The following TANC2 variants were observed in gnomAD, a reference collection of about 807,000 sequenced individuals.
TANC2 encodes the protein tetratricopeptide repeat, ankyrin repeat and coiled-coil containing 2, also known as protein TANC2.
A neutral mutation model predicts 210.5 loss-of-function variants in TANC2; 26 were observed. That is an observed-to-expected ratio of 0.12 (90% confidence interval 0.09 to 0.17). The LOEUF (loss-of-function observed/expected upper bound fraction) is 0.17, where lower values mean the gene tolerates loss of function less well. Among genes scored for constraint, TANC2 ranks in the 10% least tolerant of loss-of-function variants. TANC2 has a pLI of 1.00. For missense variants in TANC2, 2,129 were observed against 2,608.9 expected, an observed-to-expected ratio of 0.82 and a Z score of 4.01; for synonymous variants, 931 against 967.1, an observed-to-expected ratio of 0.96 and a Z score of 0.69.
chr17:62,976,691 A>G (rs2032020377), intron 1 of TANC2, among the ~76,000 whole-genome samples: 1 of 152,180 alleles, frequency 6.6e-6, no homozygotes, highest in Admixed American at 6.5e-5. Flanking sequence ...CCGTGCTAAC[A>G]TTCTTAAATA....
chr17:63,094,445 A>G (rs1172177740), intron 3 of TANC2, among the ~76,000 whole-genome samples: 1 of 152,156 alleles, frequency 6.6e-6, no homozygotes, highest in Non-Finnish European at 1.5e-5. Flanking sequence ...TTTAAAAGTA[A>G]ACTTTTATTG....
In TANC2 at chr17:63,025,166, T is replaced by C. The variant is rs552345270; in HGVS notation, c.67+15540T>C. On this transcript the variant is annotated intron_variant, in intron 2 of 27. Transcript: ENST00000689528. ...AGTATTTCTCCATGGCTTTCCTCCTTATTAACTGTGTGTTAATACAGTTGA... is the reference window on the plus strand; with the variant it reads ...AGTATTTCTCCATGGCTTTCCTCCTCATTAACTGTGTGTTAATACAGTTGA... 7.1e-4 allele frequency among the ~76,000 whole-genome samples: 108 copies of C among 152,346 alleles called. 1 individual carries two copies. The highest frequency in any genetic ancestry group is 2.5e-3 in the African/African-American group (106 of 41,580).
intron 3 of TANC2, among the ~76,000 whole-genome samples, chr17:63,074,417 C>T (rs1301095678): frequency 1.3e-5 from 2 of 152,012 alleles, no homozygotes; most frequent in East Asian, 3.9e-4. Context: ...TTGGTAATTG[C>T]TATATTAGGA....
chr17:63,086,986 C>T (rs919701413), intron 3 of TANC2, among the ~76,000 whole-genome samples: 1 of 152,206 alleles, frequency 6.6e-6, no homozygotes, highest in Non-Finnish European at 1.5e-5. Flanking sequence ...CAGCCTGCAG[C>T]GGCAACTCAC....
intron 15 of TANC2, among the ~76,000 whole-genome samples, chr17:63,380,091 C>A (rs559215910): frequency 6.6e-6 from 1 of 152,302 alleles, no homozygotes; most frequent in African/African-American, 2.4e-5. Context: ...GATGTGTGCT[C>A]CATACATGAC....
chr17:63,078,555 TTC>T (rs2036652367), intron 3 of TANC2, among the ~76,000 whole-genome samples: 1 of 152,170 alleles, frequency 6.6e-6, no homozygotes, highest in Non-Finnish European at 1.5e-5. Context: ...TGTTATAAAT[TTC>T]TGTTTACTGC....
chr17:63,307,208 G>A (rs1325334496), intron 9 of TANC2, among the ~76,000 whole-genome samples: 1 of 152,144 alleles, frequency 6.6e-6, no homozygotes, highest in Non-Finnish European at 1.5e-5. Context: ...TTGCGTAGGG[G>A]AGTGATATGG....
chr17:63,130,666 AT>A (rs1436596572), intron 4 of TANC2, among the ~76,000 whole-genome samples: 6 of 152,288 alleles, frequency 3.9e-5, no homozygotes, highest in Non-Finnish European at 8.8e-5. Flanking sequence ...CCTAAACTTT[AT>A]TATAATTGAG....
chr17:63,125,360 A>G (rs913540130), intron 4 of TANC2, among the ~76,000 whole-genome samples: 8 of 152,176 alleles, frequency 5.3e-5, no homozygotes, highest in Non-Finnish European at 7.3e-5. Context: ...GCATGATCCT[A>G]TGTATCTCTC....
chr17:63,347,975 C>T (rs145521131), intron 12 of TANC2, among the ~76,000 whole-genome samples: 7 of 152,022 alleles, frequency 4.6e-5, no homozygotes, highest in African/African-American at 1.7e-4. Context: ...ACGATGTTGC[C>T]CAGGCTGGTC....
intron 7 of TANC2, among the ~76,000 whole-genome samples, chr17:63,223,776 C>T (rs184908988): frequency 2.6e-5 from 4 of 152,158 alleles, no homozygotes; most frequent in East Asian, 1.9e-4. Context: ...AGGTCATCTT[C>T]GTCACCCTCT....
intron 4 of TANC2, among the ~76,000 whole-genome samples, chr17:63,146,847 C>T (rs1567762231): frequency 1.3e-5 from 2 of 152,150 alleles, no homozygotes; most frequent in African/African-American, 4.8e-5. Context: ...TCTGATTGCT[C>T]TTATCCTCCC....
At chr17:63,075,537 AT>A (rs74826135) in intron 3 of TANC2, among the ~76,000 whole-genome samples, 10 of 148,254 alleles carry the variant, frequency 6.7e-5, no homozygotes, top group African/African-American at 2.2e-4. Context: ...AAATATATAT[AT>A]TTTTTTATAT....
chr17:63,033,722 T>G (rs985480998), intron 2 of TANC2, among the ~76,000 whole-genome samples: 1 of 152,034 alleles, frequency 6.6e-6, no homozygotes, highest in Non-Finnish European at 1.5e-5. Context: ...TGGGAGGAAA[T>G]GTAATGAATT....
At chr17:63,409,347 C>CT (rs1167062723) in intron 21 of TANC2, among the ~76,000 whole-genome samples, 6 of 151,886 alleles carry the variant, frequency 4.0e-5, no homozygotes, top group Non-Finnish European at 8.8e-5. Flanking sequence ...ACCACCACAC[C>CT]TGGCTAATTT....
At chr17:63,395,265 T>C (rs1001058639) in intron 17 of TANC2, among the ~76,000 whole-genome samples, 2 of 152,246 alleles carry the variant, frequency 1.3e-5, no homozygotes, top group Non-Finnish European at 2.9e-5. Context: ...TGCCAAAGTT[T>C]GGTGGTCAAA....
Position 63,194,035 on chromosome 17 carries a change from G to A in TANC2, c.478G>A (p.Ala160Thr), listed in dbSNP as rs780001108. 26 of 1,613,194 alleles carry A rather than the reference G, an allele frequency of 1.6e-5. No individual in the cohort carries two copies. The highest frequency in any genetic ancestry group is 3.3e-4 in the Middle Eastern group (2 of 6,062). ...TGGCCCCCCTCCATCTGTAGATGAG[G>A]CAGCAAACACACTCATGACTCGTCT... Residue 160 changes from alanine (A) to threonine (T), a missense_variant, in exon 6 of 28, where the codon GCA becomes ACA. This residue lies in a region of TANC2 where 739 missense variants were observed against 848.0 expected (regional missense o/e 0.87). Transcript: ENST00000689528.
chr17:63,298,457 C>A (rs1216810005), intron 9 of TANC2, among the ~76,000 whole-genome samples: 1 of 152,126 alleles, frequency 6.6e-6, no homozygotes, highest in Non-Finnish European at 1.5e-5. Context: ...TGTCACATCT[C>A]GTTTGTGAGA....
At chr17:63,160,030 C>T (rs2039971942) in intron 5 of TANC2, among the ~76,000 whole-genome samples, 1 of 152,214 alleles carries the variant, frequency 6.6e-6, no homozygotes, top group African/African-American at 2.4e-5. Context: ...ACATGCTTTT[C>T]CTCTGTGCAT....
Sources: gnomAD v4.1 joint callset for allele counts (sites outside exome capture counted in the v4.1 genomes callset) on GRCh38, gnomAD v4.1.1 for gene constraint, gnomAD v4.1.1 regional missense constraint, MANE v1.5 for transcripts, NCBI Gene and HGNC (gene_info 2026-07-23, HGNC 2026-07-21) for gene names.